VPS13B: variants seen among roughly 807,000 people sequenced by gnomAD.
The protein encoded by VPS13B is vacuolar protein sorting 13 homolog B, also known as intermembrane lipid transfer protein VPS13B.
VPS13B carries 285 observed loss-of-function variants against 426.4 expected under a neutral mutation model. That is an observed-to-expected ratio of 0.67 (90% confidence interval 0.61 to 0.74). VPS13B has a LOEUF of 0.74. VPS13B is among the 30% of genes least tolerant of loss of function. The probability of loss-of-function intolerance (pLI) is 0.00; values close to 1 mark genes in which losing one functional copy is unlikely to be tolerated. For synonymous variants in VPS13B, 1,676 were observed against 1,676.4 expected (o/e 1.00, Z 0.01); for missense variants, 4,537 against 4,782.6 (o/e 0.95, Z 1.51).
At chr8:99,713,533 C>A (rs897205927) in intron 36 of VPS13B, among the ~76,000 whole-genome samples, 1 of 152,114 alleles carries the variant, frequency 6.6e-6, no homozygotes, top group Non-Finnish European at 1.5e-5. Flanking sequence ...TGGATTTGAA[C>A]CTGAGGTATC....
intron 23 of VPS13B, among the ~76,000 whole-genome samples, chr8:99,464,683 T>G (rs2133501577): frequency 6.6e-6 from 1 of 152,290 alleles, no homozygotes; most frequent in East Asian, 1.9e-4. Flanking sequence ...ATTTGTAAGT[T>G]TAATATGTTC....
At position 99,013,888 on chromosome 8, in the gene VPS13B, G is replaced by A; in HGVS notation, c.100G>A (p.Asp34Asn). 1 of 1,614,160 alleles carries A rather than the reference G, an allele frequency of 6.2e-7. No homozygotes were observed. The highest frequency in any genetic ancestry group is 8.5e-7 in the Non-Finnish European group (1 of 1,180,030). Reference protein sequence around the residue: ...SDLQLSLWGGDVVLSKLELKL... With the variant: ...SDLQLSLWGGNVVLSKLELKL... ...TCTACAGCTTTCACTATGGGGTGGA[G>A]ACGTGGTACTCAGCAAGCTCGAGTT... The change falls in exon 2 of 62, where the codon GAC becomes AAC. Residue 34 changes from aspartate to asparagine, a missense_variant. Physicochemically the swap from Asp to Asn is conservative, Grantham distance 23 (BLOSUM62 1). This residue lies in a region of VPS13B where 226 missense variants were observed against 308.3 expected (regional missense o/e 0.73). Transcript: ENST00000357162.
intron 35 of VPS13B, among the ~76,000 whole-genome samples, chr8:99,684,802 G>GT (rs1831312634): frequency 6.6e-6 from 1 of 152,054 alleles, no homozygotes; most frequent in Non-Finnish European, 1.5e-5. Context: ...TGGGTTTTTT[G>GT]TTTGTTTGTT....
intron 2 of VPS13B, among the ~76,000 whole-genome samples, chr8:99,021,360 T>C (rs6468648): frequency 0.74 from 112,520 of 151,848 alleles, 42,337 homozygotes; most frequent in South Asian, 0.87. Context: ...CGGTGGCTCA[T>C]GCCTGTAATC....
chr8:99,685,900 G>A (rs1032560926), intron 35 of VPS13B, among the ~76,000 whole-genome samples: 32 of 152,284 alleles, frequency 2.1e-4, no homozygotes, highest in Non-Finnish European at 4.6e-4. Context: ...TGGTTTTCAT[G>A]CTTGTGGATG....
intron 7 of VPS13B, among the ~76,000 whole-genome samples, chr8:99,116,319 A>G (rs1400577977): frequency 6.6e-6 from 1 of 151,854 alleles, no homozygotes; most frequent in East Asian, 1.9e-4. Context: ...GGCATGAGCC[A>G]CTGTGCCCAG....
chr8:99,738,971 T>C (rs1356997833), intron 39 of VPS13B, among the ~76,000 whole-genome samples: 1 of 152,140 alleles, frequency 6.6e-6, no homozygotes, highest in Non-Finnish European at 1.5e-5. Flanking sequence ...TGTTGGAAAG[T>C]GGGTGCAGGA....
chr8:99,133,266 C>G (rs911233016), intron 8 of VPS13B, among the ~76,000 whole-genome samples: 2 of 152,212 alleles, frequency 1.3e-5, no homozygotes, highest in Non-Finnish European at 2.9e-5. Flanking sequence ...GAACAGACCT[C>G]TGCTACTGTC....
At chr8:99,295,570 C>G (rs2133057198) in intron 19 of VPS13B, among the ~76,000 whole-genome samples, 1 of 152,260 alleles carries the variant, frequency 6.6e-6, no homozygotes, top group Non-Finnish European at 1.5e-5. Context: ...CTTAAATATT[C>G]TCAGAACACT....
intron 54 of VPS13B, among the ~76,000 whole-genome samples, chr8:99,848,332 C>G (rs1375133228): frequency 6.6e-6 from 1 of 152,180 alleles, no homozygotes; most frequent in Admixed American, 6.5e-5. Context: ...TTTTGTGTCC[C>G]TAGCCCAGAA....
chr8:99,086,833 A>T (rs1327542911), intron 3 of VPS13B, among the ~76,000 whole-genome samples: 1 of 152,106 alleles, frequency 6.6e-6, no homozygotes, highest in Non-Finnish European at 1.5e-5. Flanking sequence ...GTCTCAGAGG[A>T]GTACCGGGCT....
At chr8:99,394,352 C>T (rs1001784315) in intron 21 of VPS13B, among the ~76,000 whole-genome samples, 1 of 152,070 alleles carries the variant, frequency 6.6e-6, no homozygotes, top group African/African-American at 2.4e-5. Context: ...TTTGATTTTG[C>T]TTTTTAATTA....
chr8:99,298,336 A>G (rs571321699), intron 19 of VPS13B, among the ~76,000 whole-genome samples: 6 of 152,176 alleles, frequency 3.9e-5, no homozygotes, highest in African/African-American at 1.4e-4. Flanking sequence ...TAAAAACACA[A>G]AATTAACTGG....
At chr8:99,654,057 A>AT (rs1422016160) in intron 34 of VPS13B, among the ~76,000 whole-genome samples, 3 of 151,010 alleles carry the variant, frequency 2.0e-5, no homozygotes, top group Non-Finnish European at 4.4e-5. Flanking sequence ...ATTATTATAT[A>AT]TATTTTTTTG....
chr8:99,138,527 G>A lies in VPS13B; in HGVS notation c.1651+1775G>A, dbSNP rs1039240952. 3.9e-5 allele frequency among the ~76,000 whole-genome samples: 6 copies of A among 152,166 alleles called. No homozygotes were observed. In the South Asian group the frequency reaches 8.3e-4, roughly 21 times the overall value. ...AATTCTCTGCTGTTAATTTTCATGGGCCTGACATTGGTTTGTTTAAAAACA... is the reference window on the plus strand; with the variant it reads ...AATTCTCTGCTGTTAATTTTCATGGACCTGACATTGGTTTGTTTAAAAACA... On this transcript the variant is annotated intron_variant, in intron 12 of 61. Coordinates refer to ENST00000357162, the MANE Select transcript of VPS13B (RefSeq NM_152564.5).
In VPS13B at chr8:99,135,153, C is replaced by T; in HGVS notation, c.1425+16C>T. 1 of 1,612,774 alleles carries T rather than the reference C, an allele frequency of 6.2e-7. No homozygotes were observed. Among genetic ancestry groups the T allele is most frequent in the Non-Finnish European group, 8.5e-7 (1 of 1,179,054 alleles). On this transcript the variant is annotated intron_variant, in intron 10 of 61. Transcript: ENST00000357162. ...AAGTGAAACTGTAAGTCCGTTTCCT[C>T]CATCCTTTTTTGGATAGGATATAGG...
At position 99,193,015 on chromosome 8, in the gene VPS13B, G is replaced by T; in HGVS notation, c.2473G>T (p.Ala825Ser). Residue 825 changes from alanine to serine, a missense_variant, in exon 17 of 62, where the codon GCA becomes TCA. Physicochemically the swap from Ala to Ser is moderately conservative, Grantham distance 99. Transcript: ENST00000357162. ...WSHLGNVSSS[A>S]VIEALINEIF... is the part of the protein sequence containing the mutation. ...TCATCTTGGAAATGTCAGCTCTTCC[G>T]CAGTGATTGAAGCTTTGATAAATGA... 6.2e-7 allele frequency: 1 copy of T among 1,613,664 alleles called. No individual in the cohort carries two copies. Among genetic ancestry groups the T allele is most frequent in the South Asian group, 1.1e-5 (1 of 91,066 alleles).
chr8:99,356,768 A>G (rs1812204920), intron 19 of VPS13B, among the ~76,000 whole-genome samples: 1 of 152,230 alleles, frequency 6.6e-6, no homozygotes, highest in Admixed American at 6.5e-5. Context: ...AGTTAAAATT[A>G]ATTACTTTGG....
chr8:99,501,776 A>T lies in VPS13B; in HGVS notation c.3960A>T (p.Gly1320=). Residue 1320 remains glycine (G), a synonymous_variant, in exon 26 of 62, where the codon GGA becomes GGT. Coordinates refer to ENST00000357162, the MANE Select transcript of VPS13B (RefSeq NM_152564.5). ...QTTSNIGGTS[G]RVSLWMQWVL... is the part of the protein sequence containing the mutation. ...CAAGTAATATTGGAGGAACCAGTGG[A>T]CGTGTTAGTTTATGGATGCAGTGGG... 6.2e-7 allele frequency: 1 copy of T among 1,614,092 alleles called. No homozygotes were observed. The highest frequency in any genetic ancestry group is 8.5e-7 in the Non-Finnish European group (1 of 1,180,008).
Sources: allele counts gnomAD v4.1 joint callset (sites outside exome capture counted in the v4.1 genomes callset), GRCh38; gene constraint gnomAD v4.1.1; regional missense constraint gnomAD v4.1.1; transcripts MANE v1.5; gene names NCBI Gene and HGNC (gene_info 2026-07-23, HGNC 2026-07-21).